SKAP1: variants seen among roughly 807,000 people sequenced by gnomAD.
SKAP1 encodes src kinase associated phosphoprotein 1.
A neutral mutation model predicts 58.5 loss-of-function variants in SKAP1; 44 were observed. That is an observed-to-expected ratio of 0.75 (90% CI 0.59 to 0.97). The LOEUF (loss-of-function observed/expected upper bound fraction) is 0.97, where lower values mean the gene tolerates loss of function less well. Ranked by LOEUF, SKAP1 falls within the 50% of genes least tolerant of loss-of-function variation. The pLI is 0.00. For synonymous variants in SKAP1, 127 were observed against 149.7 expected, an observed-to-expected ratio of 0.85 and a Z score of 1.11; for missense variants, 390 against 435.2, an observed-to-expected ratio of 0.90 and a Z score of 0.92.
intron 4 of SKAP1, among the ~76,000 whole-genome samples, chr17:48,254,067 C>T (rs1364929720): frequency 6.6e-6 from 1 of 151,998 alleles, no homozygotes; most frequent in African/African-American, 2.4e-5. Flanking sequence ...AATTAATATC[C>T]CTGAGATGCT....
chr17:48,154,645 C>T (rs1380805670), intron 11 of SKAP1, among the ~76,000 whole-genome samples: 1 of 152,132 alleles, frequency 6.6e-6, no homozygotes, highest in Non-Finnish European at 1.5e-5. Flanking sequence ...CTTCTCCTTC[C>T]TAGTCAATTG....
intron 4 of SKAP1, among the ~76,000 whole-genome samples, chr17:48,287,456 G>C (rs1380958309): frequency 6.6e-6 from 1 of 151,802 alleles, no homozygotes; most frequent in African/African-American, 2.4e-5. Flanking sequence ...TCGAAGGTGT[G>C]AAAGGAAGTG....
chr17:48,171,702 T>C (rs544683295), intron 9 of SKAP1, among the ~76,000 whole-genome samples: 15 of 151,976 alleles, frequency 9.9e-5, no homozygotes, highest in African/African-American at 3.6e-4. Flanking sequence ...GCATTCTCTC[T>C]AGTTTTAAGC....
intron 1 of SKAP1, among the ~76,000 whole-genome samples, chr17:48,397,579 C>T (rs1470693374): frequency 1.3e-5 from 2 of 152,080 alleles, no homozygotes; most frequent in Admixed American, 6.6e-5. Context: ...CAGAAGGTCA[C>T]AGGCCAATAG....
chr17:48,192,385 C>T (rs1172260811), intron 4 of SKAP1, among the ~76,000 whole-genome samples: 2 of 151,794 alleles, frequency 1.3e-5, no homozygotes, highest in African/African-American at 2.4e-5. Context: ...ACATGTTAAA[C>T]GTTCTATTAG....
rs181839822 is a variant in SKAP1, at chr17:48,264,065, T to A, written c.281-74565A>T. On this transcript the variant is annotated intron_variant, in intron 4 of 12. Transcript: ENST00000336915. ...AAAGAGACATCAGCTTTTTTTTTTT[T>A]ATCTAACTTAAAAATCTGACTTTAG... 5.5e-4 allele frequency among the ~76,000 whole-genome samples: 83 copies of A among 151,454 alleles called. 1 individual carries two copies. The highest frequency in any genetic ancestry group is 1.3e-3 in the Admixed American group (20 of 15,162).
chr17:48,248,130 T>C (rs772326962), intron 4 of SKAP1, among the ~76,000 whole-genome samples: 2 of 152,232 alleles, frequency 1.3e-5, no homozygotes, highest in Non-Finnish European at 2.9e-5. Flanking sequence ...GACCTCATAG[T>C]GTAGAACTGA....
upstream of SKAP1, among the ~76,000 whole-genome samples, chr17:48,434,778 C>T (rs2067932255): frequency 6.6e-6 from 1 of 152,160 alleles, no homozygotes; most frequent in African/African-American, 2.4e-5. Context: ...TGAAAAATAC[C>T]TAAGATAGAT....
intron 4 of SKAP1, among the ~76,000 whole-genome samples, chr17:48,219,896 G>A (rs1837717197): frequency 6.6e-6 from 1 of 152,212 alleles, no homozygotes; most frequent in African/African-American, 2.4e-5. Context: ...CAGAGGAGAT[G>A]TTCCTGTGAT....
chr17:48,210,232 G>A lies in SKAP1; in HGVS notation c.281-20732C>T, dbSNP rs78511802. On this transcript the variant is annotated intron_variant, in intron 4 of 12. Coordinates refer to ENST00000336915, the MANE Select transcript of SKAP1 (RefSeq NM_003726.4). Reference sequence around the variant, plus strand: ...TTATACGGAGCCATTATCAGTCATCGACACCTTGGAGCCGTGGTTCGTAAC... The same window carrying A: ...TTATACGGAGCCATTATCAGTCATCAACACCTTGGAGCCGTGGTTCGTAAC... 9.6e-3 allele frequency among the ~76,000 whole-genome samples: 1,469 copies of A among 152,270 alleles called. 16 individuals are homozygous for A. Among genetic ancestry groups the A allele is most frequent in the African/African-American group, 0.033 (1,381 of 41,524 alleles).
intron 1 of SKAP1, among the ~76,000 whole-genome samples, chr17:48,409,615 C>T (rs2067636005): frequency 1.3e-5 from 2 of 149,956 alleles, no homozygotes; most frequent in African/African-American, 4.9e-5. Flanking sequence ...TTGCAGTGAG[C>T]CGAGATTGTG....
At chr17:48,154,251 TTAAG>T (rs1197992303) in intron 11 of SKAP1, among the ~76,000 whole-genome samples, 1 of 152,198 alleles carries the variant, frequency 6.6e-6, no homozygotes, top group Non-Finnish European at 1.5e-5. Flanking sequence ...TCATCTGAGT[TTAAG>T]TAGCTGCAGT....
chr17:48,357,570 C>T (rs1197553148), intron 3 of SKAP1, among the ~76,000 whole-genome samples: 1 of 152,010 alleles, frequency 6.6e-6, no homozygotes, highest in Non-Finnish European at 1.5e-5. Context: ...GCAGAGCTTG[C>T]AGTGAGCCAA....
At chr17:48,288,923 T>C (rs959392190) in intron 4 of SKAP1, among the ~76,000 whole-genome samples, 1 of 152,150 alleles carries the variant, frequency 6.6e-6, no homozygotes, top group African/African-American at 2.4e-5. Context: ...ATAACATGAA[T>C]AGTGTGGCTT....
intron 10 of SKAP1, among the ~76,000 whole-genome samples, chr17:48,165,470 G>C (rs1446508418): frequency 2.0e-5 from 3 of 149,164 alleles, no homozygotes; most frequent in African/African-American, 7.4e-5. Flanking sequence ...GCATGATCTC[G>C]GCTCACCACA....
At chr17:48,415,187 A>G (rs1197411562) in intron 1 of SKAP1, among the ~76,000 whole-genome samples, 1 of 152,174 alleles carries the variant, frequency 6.6e-6, no homozygotes, top group African/African-American at 2.4e-5. Context: ...CCTAGAGGGG[A>G]AATTTCGTAA....
At chr17:48,316,549 T>G (rs976924706) in intron 4 of SKAP1, among the ~76,000 whole-genome samples, 1 of 152,170 alleles carries the variant, frequency 6.6e-6, no homozygotes, top group African/African-American at 2.4e-5. Context: ...TTCAGACCAT[T>G]TACCATGGCT....
intron 3 of SKAP1, among the ~76,000 whole-genome samples, chr17:48,355,896 C>T (rs1489157066): frequency 6.6e-6 from 1 of 151,758 alleles, no homozygotes; most frequent in Non-Finnish European, 1.5e-5. Flanking sequence ...CGTTCTCAAA[C>T]ATTAAACAAC....
chr17:48,433,548 T>G (rs1172960860), upstream of SKAP1, among the ~76,000 whole-genome samples: 1 of 152,168 alleles, frequency 6.6e-6, no homozygotes, highest in African/African-American at 2.4e-5. Flanking sequence ...CATCCTCTTC[T>G]TAGCTGCCTG....
Sources: gnomAD v4.1 joint callset for allele counts (sites outside exome capture counted in the v4.1 genomes callset) on GRCh38, gnomAD v4.1.1 for gene constraint, MANE v1.5 for transcripts, NCBI Gene and HGNC (gene_info 2026-07-23, HGNC 2026-07-21) for gene names.